The following KRT12 variants were observed in gnomAD, a reference collection of about 807,000 sequenced individuals.
KRT12 encodes keratin, type I cytoskeletal 12.
Under a neutral mutation model 50.2 loss-of-function variants are expected in KRT12, and 43 were observed. The observed-to-expected ratio is 0.86, with a 90% CI of 0.67 to 1.11. The LOEUF (loss-of-function observed/expected upper bound fraction) is 1.11. Among genes scored for constraint, KRT12 ranks in the 50% least tolerant of loss-of-function variants. The pLI is 0.00. For synonymous variants in KRT12, 257 were observed against 253.6 expected, an observed-to-expected ratio of 1.01 and a Z score of -0.13; for missense variants, 588 against 625.6, an observed-to-expected ratio of 0.94 and a Z score of 0.64.
intron 6 of KRT12, among the ~76,000 whole-genome samples, chr17:40,862,889 CTG>C (rs948993587): frequency 1.3e-5 from 2 of 152,200 alleles, no homozygotes; most frequent in African/African-American, 4.8e-5. Flanking sequence ...CATTTACAAA[CTG>C]TTTCTGACCG....
intron 7 of KRT12, among the ~76,000 whole-genome samples, chr17:40,862,203 A>T: frequency 6.6e-6 from 1 of 152,044 alleles, no homozygotes; most frequent in Non-Finnish European, 1.5e-5. Flanking sequence ...AGAGTAGCCG[A>T]GATCACAGGT....
In KRT12 at chr17:40,864,867, A is replaced by T. The variant is rs1470019617; in HGVS notation, c.746T>A (p.Leu249Gln). The T allele has an allele frequency of 6.2e-7, 1 of 1,613,980 alleles. No individual in the cohort carries two copies. Among genetic ancestry groups the T allele is most frequent in the Non-Finnish European group, 8.5e-7 (1 of 1,180,032 alleles). ...LDELTLTRTD[L>Q]EMQIESLNEE... ...GTTCAGGCTCTCGATCTGCATCTCC[A>T]GGTCGGTCCTGGTCAGGGTCAGCTC... Residue 249 changes from leucine (L) to glutamine (Q), a missense_variant, in exon 3 of 8, where the codon CTG (leucine) becomes CAG (glutamine). Transcript: ENST00000251643.
In KRT12 at chr17:40,864,881, C is replaced by G; in HGVS notation, c.732G>C (p.Leu244=). 6.2e-7 allele frequency: 1 copy of G among 1,614,240 alleles called. No individual in the cohort carries two copies. Among genetic ancestry groups the G allele is most frequent in the African/African-American group, 1.3e-5 (1 of 75,058 alleles). Residue 244 remains leucine, a synonymous_variant, in exon 3 of 8, where the codon CTG becomes CTC. Transcript: ENST00000251643. ...GLRRVLDELT[L]TRTDLEMQIE... Reference sequence around the variant, plus strand: ...TCTGCATCTCCAGGTCGGTCCTGGTCAGGGTCAGCTCGTCCAGCACCCGGC... The same window carrying G: ...TCTGCATCTCCAGGTCGGTCCTGGTGAGGGTCAGCTCGTCCAGCACCCGGC...
rs758285613 is a variant in KRT12 at position 40,866,600 on chromosome 17, G to A, written c.567+20C>T. 7.5e-6 allele frequency: 12 copies of A among 1,596,936 alleles called. No individual in the cohort carries two copies. Among genetic ancestry groups the A allele is most frequent in the African/African-American group, 5.4e-5 (4 of 74,294 alleles). ...AAAGGAAAAAAAAAATTCCCAAAGC[G>A]CCTCCAAAAGAGATCTTACCTTATT... On this transcript the variant is annotated intron_variant, in intron 1 of 7. Coordinates refer to ENST00000251643, the MANE Select transcript of KRT12 (RefSeq NM_000223.4).
At chr17:40,862,402 C>T (rs58975443) in intron 7 of KRT12, among the ~76,000 whole-genome samples, 163 bp downstream of exon 7, 2,845 of 152,262 alleles carry the variant, frequency 0.019, 98 homozygotes, top group African/African-American at 0.064. Flanking sequence ...GTATAGACTA[C>T]TCATTTTGTG....
In KRT12 at chr17:40,863,338, T is replaced by G. The variant is rs1433964757; in HGVS notation, c.1101A>C (p.Lys367Asn). The G allele has an allele frequency of 6.2e-7, 1 of 1,613,878 alleles. No homozygotes were observed. Among genetic ancestry groups the G allele is most frequent in the South Asian group, 1.1e-5 (1 of 91,038 alleles). Residue 367 changes from lysine (K) to asparagine (N), a missense_variant, in exon 6 of 8, where the codon AAA becomes AAC. By Grantham distance (94) the Lys-to-Asn change is moderately conservative. Transcript: ENST00000251643. The surrounding 1 kb of genome is among the most constrained non-coding windows in gnomAD (Gnocchi z 4.2). The part of the protein sequence containing the change: ...IELQSQLAMK[K>N]SLEDSLAEAE... ...CTTCGGCCAAGGAGTCCTCCAGGGA[T>G]TTCTTCTGCACGTGGGAGGGAAATG...
In KRT12 at chr17:40,864,810, T is replaced by C. The variant is rs1906952926; in HGVS notation, c.803A>G (p.Glu268Gly). Residue 268 changes from glutamate to glycine, a missense_variant, in exon 3 of 8, where the codon GAG becomes GGG. Coordinates refer to ENST00000251643, the MANE Select transcript of KRT12 (RefSeq NM_000223.4). ...EELAYMKKNH[E>G]DELQSFRVGG... ...AGGCTGCCCTGTCTGACTCACATCC[T>C]CGTGGTTCTTCTTCATGTAGGCCAG... is the stretch of plus-strand genomic sequence containing the variant. 2 of 1,613,716 alleles carry C rather than the reference T, an allele frequency of 1.2e-6. No individual in the cohort carries two copies. The highest frequency in any genetic ancestry group is 1.7e-6 in the Non-Finnish European group (2 of 1,179,980).
chr17:40,862,038 T>A (rs1254382838), intron 7 of KRT12, among the ~76,000 whole-genome samples: 1 of 152,132 alleles, frequency 6.6e-6, no homozygotes, highest in African/African-American at 2.4e-5. Flanking sequence ...TTTTTTCCCT[T>A]CTGCTTTGCC....
In KRT12 at chr17:40,863,087, C is replaced by G; in HGVS notation, c.1316+36G>C. 6.3e-7 allele frequency: 1 copy of G among 1,577,230 alleles called. No individual in the cohort carries two copies. Among genetic ancestry groups the G allele is most frequent in the Non-Finnish European group, 8.7e-7 (1 of 1,146,458 alleles). On this transcript the variant is annotated intron_variant, in intron 6 of 7. Transcript: ENST00000251643. This position sits in a 1 kb window ranked among gnomAD's most constrained non-coding sequence, Gnocchi z 4.2. ...TTTCTGCTGCCCACTCTTGGTCAGCCCCTGAAGGTGTTTACAGCCTCCGTT... is the reference window on the plus strand; with the variant it reads ...TTTCTGCTGCCCACTCTTGGTCAGCGCCTGAAGGTGTTTACAGCCTCCGTT...
Position 40,866,620 on chromosome 17 carries a change from C to T in KRT12, c.567G>A (p.Lys189=), listed in dbSNP as rs1907033298. ...YYPLIEDLRN[K]IISASIGNAQ... The stretch of plus-strand genomic sequence containing the variant: ...AAAGCGCCTCCAAAAGAGATCTTAC[C>T]TTATTCCTGAGGTCTTCAATCAGTG... The change falls in exon 1 of 8, where the codon AAG becomes AAA. Residue 189 remains lysine (K), a splice_region_variant and synonymous_variant. Transcript: ENST00000251643. 6.2e-7 allele frequency: 1 copy of T among 1,613,382 alleles called. No individual in the cohort carries two copies.
chr17:40,863,897 G>C lies in KRT12; in HGVS notation c.808-33C>G, dbSNP rs1320654008. ...CAGCATGTGAGAGAGAGGGGCACAG[G>C]GGTCCATTGTGACTTTCGTGGGCCC... On this transcript the variant is annotated intron_variant, in intron 3 of 7. Transcript: ENST00000251643. The surrounding 1 kb of genome is among the most constrained non-coding windows in gnomAD (Gnocchi z 4.2). 2.6e-6 allele frequency: 4 copies of C among 1,527,460 alleles called. No homozygotes were observed. The highest frequency in any genetic ancestry group is 3.5e-6 in the Non-Finnish European group (4 of 1,143,880). 94.6% of individuals were successfully genotyped at this position (1,527,460 alleles called of 1,614,324 possible).
In KRT12 at chr17:40,863,017, G is replaced by A; in HGVS notation, c.1316+106C>T. 1.0e-6 allele frequency: 1 copy of A among 965,246 alleles called. No individual in the cohort carries two copies. Among genetic ancestry groups the A allele is most frequent in the Non-Finnish European group, 1.6e-6 (1 of 610,016 alleles). 59.8% of individuals were successfully genotyped at this position (965,246 alleles called of 1,614,324 possible). ...CCAGGCATATCTTTACTAGACTTGT[G>A]TTTGTTTGTTTGCTTTTCTGTCAAC... On this transcript the variant is annotated intron_variant, in intron 6 of 7. Transcript: ENST00000251643. The surrounding 1 kb of genome is among the most constrained non-coding windows in gnomAD (Gnocchi z 4.2).
intron 1 of KRT12, 41 bp downstream of exon 1, chr17:40,866,579 G>GAA: frequency 2.7e-6 from 4 of 1,468,882 alleles, no homozygotes; most frequent in Non-Finnish European, 3.8e-6. Flanking sequence ...TGGTAAAAAG[G>GAA]AAAAAAAAAA....
chr17:40,863,069 T>G lies in KRT12; in HGVS notation c.1316+54A>C. 3.4e-6 allele frequency: 5 copies of G among 1,453,760 alleles called. No individual in the cohort carries two copies. Among genetic ancestry groups the G allele is most frequent in the Non-Finnish European group, 4.8e-6 (5 of 1,034,280 alleles). 90.1% of individuals were successfully genotyped at this position (1,453,760 alleles called of 1,614,324 possible). ...AAAACCCCATTCCTTCTATTTCTGC[T>G]GCCCACTCTTGGTCAGCCCCTGAAG... is the stretch of plus-strand genomic sequence containing the variant. On this transcript the variant is annotated intron_variant, in intron 6 of 7. Transcript: ENST00000251643. The surrounding 1 kb of genome is among the most constrained non-coding windows in gnomAD (Gnocchi z 4.2).
chr17:40,867,103 G>C lies in KRT12; in HGVS notation c.84C>G (p.Gly28=). The C allele has an allele frequency of 6.2e-7, 1 of 1,613,968 alleles. No homozygotes were observed. Residue 28 remains glycine (G), a synonymous_variant, in exon 1 of 8, where the codon GGC becomes GGG. Transcript: ENST00000251643. ...SRRLSSQSVI[G]RPRGMSASSV... The stretch of plus-strand genomic sequence containing the variant: ...TGGAAGCAGACATGCCCCTGGGTCT[G>C]CCTATCACACTCTGCGAGGAGAGCC...
Position 40,866,626 on chromosome 17 carries a change from C to T in KRT12, c.561G>A (p.Arg187=). ...SKYYPLIEDL[R]NKIISASIGN... The stretch of plus-strand genomic sequence containing the variant: ...CCTCCAAAAGAGATCTTACCTTATT[C>T]CTGAGGTCTTCAATCAGTGGATAAT... The change falls in exon 1 of 8, where the codon AGG becomes AGA. Residue 187 remains arginine, a synonymous_variant. Transcript: ENST00000251643. The T allele has an allele frequency of 6.2e-7, 1 of 1,613,734 alleles. No homozygotes were observed. Among genetic ancestry groups the T allele is most frequent in the Non-Finnish European group, 8.5e-7 (1 of 1,179,730 alleles).
At chr17:40,864,641 T>C (rs1906943114) in intron 3 of KRT12, among the ~76,000 whole-genome samples, 165 bp downstream of exon 3, 2 of 151,738 alleles carry the variant, frequency 1.3e-5, no homozygotes, top group African/African-American at 4.8e-5. Context: ...CACACACACA[T>C]ACCACACACA....
chr17:40,866,851 A>G lies in KRT12; in HGVS notation c.336T>C (p.Ile112=). 1 of 1,614,030 alleles carries G rather than the reference A, an allele frequency of 6.2e-7. No homozygotes were observed. Residue 112 remains isoleucine, a synonymous_variant, in exon 1 of 8, where the codon ATT becomes ATC. Coordinates refer to ENST00000251643, the MANE Select transcript of KRT12 (RefSeq NM_000223.4). ...GAAGGCCTCCATCATTGCCCGAGAGAATACCTAGAGAGCCACCTCCTGGGC... is the reference window on the plus strand; with the variant it reads ...GAAGGCCTCCATCATTGCCCGAGAGGATACCTAGAGAGCCACCTCCTGGGC... ...GGSPGGGSLG[I]LSGNDGGLLS...
intron 6 of KRT12, among the ~76,000 whole-genome samples, chr17:40,862,900 C>G (rs917848209): frequency 6.6e-6 from 1 of 152,106 alleles, no homozygotes; most frequent in African/African-American, 2.4e-5. Context: ...TGTTTCTGAC[C>G]GTGGTGCCTT....
Sources: gnomAD v4.1 joint callset for allele counts (sites outside exome capture counted in the v4.1 genomes callset) on GRCh38, gnomAD v4.1.1 for gene constraint, Gnocchi (gnomAD v3.1) non-coding constraint, MANE v1.5 for transcripts, NCBI Gene and HGNC (gene_info 2026-07-23, HGNC 2026-07-21) for gene names.